The following ARB2A variants were observed in gnomAD, a reference collection of about 807,000 sequenced individuals.
ARB2A encodes the protein cotranscriptional regulator ARB2A.
At chr5:93,976,260 A>G in the ARB2A span, among the ~76,000 whole-genome samples, 1 of 152,196 alleles carries the variant, frequency 6.6e-6, no homozygotes, top group South Asian at 2.1e-4. Flanking sequence ...CATCGAAGGA[A>G]CACATCTCAA....
At chr5:93,743,769 C>T in the ARB2A span, among the ~76,000 whole-genome samples, 93 of 151,472 alleles carry the variant, frequency 6.1e-4, 2 homozygotes, top group South Asian at 0.013. Flanking sequence ...CAGGTTCAAG[C>T]GATTCCCCTG....
chr5:93,928,030 T>C, the ARB2A span, among the ~76,000 whole-genome samples: 1 of 152,140 alleles, frequency 6.6e-6, no homozygotes, highest in Non-Finnish European at 1.5e-5. Context: ...ATACAACTTT[T>C]AGTCCAGCAG....
chr5:93,680,283 A>G, the ARB2A span, among the ~76,000 whole-genome samples: 6 of 152,254 alleles, frequency 3.9e-5, no homozygotes, highest in Non-Finnish European at 8.8e-5. Context: ...ATAAGAATAT[A>G]TTTCCAATGT....
the ARB2A span, among the ~76,000 whole-genome samples, chr5:93,986,724 G>T: frequency 6.6e-6 from 1 of 152,102 alleles, no homozygotes; most frequent in Non-Finnish European, 1.5e-5. Flanking sequence ...CCCCCAACCC[G>T]GTGCTCTCGG....
the ARB2A span, among the ~76,000 whole-genome samples, chr5:93,811,530 C>A: frequency 1.3e-5 from 2 of 151,906 alleles, no homozygotes; most frequent in Non-Finnish European, 2.9e-5. Context: ...CGTGAAAAAC[C>A]GGGACGTTGT....
the ARB2A span, among the ~76,000 whole-genome samples, chr5:94,013,867 T>C: frequency 5.0e-3 from 762 of 152,234 alleles, 19 homozygotes; most frequent in Non-Finnish European, 2.0e-3. Context: ...AAGAGGTAGA[T>C]AGTAAGAGAA....
chr5:93,779,193 A>C, the ARB2A span, among the ~76,000 whole-genome samples: 4,979 of 152,174 alleles, frequency 0.033, 111 homozygotes, highest in Non-Finnish European at 0.049. Flanking sequence ...AAAAAGGGCA[A>C]AACAAGTTAA....
At chr5:93,720,630 T>C in the ARB2A span, among the ~76,000 whole-genome samples, 2 of 152,252 alleles carry the variant, frequency 1.3e-5, no homozygotes, top group South Asian at 4.1e-4. Context: ...AGCTCTATAG[T>C]TTTCCAAGAA....
chr5:93,650,161 A>G, the ARB2A span, among the ~76,000 whole-genome samples: 1 of 98,620 alleles, frequency 1.0e-5, no homozygotes, highest in African/African-American at 7.4e-5. Context: ...CAAGAAGGAA[A>G]AAAAAAAAAA....
the ARB2A span, among the ~76,000 whole-genome samples, chr5:93,844,120 CA>C: frequency 2.3e-4 from 28 of 122,292 alleles, no homozygotes; most frequent in Admixed American, 3.3e-4. Context: ...GATAAAAAAA[CA>C]AAAAAAAAAA....
At chr5:93,865,959 G>C in the ARB2A span, 1 of 985,396 alleles carries the variant, frequency 1.0e-6, no homozygotes, top group Non-Finnish European at 1.2e-6. Flanking sequence ...CACAACTCCA[G>C]GGGTTGCTAG....
the ARB2A span, among the ~76,000 whole-genome samples, chr5:93,953,338 T>C: frequency 6.6e-6 from 1 of 152,158 alleles, no homozygotes; most frequent in African/African-American, 2.4e-5. Context: ...TATTGTGTTA[T>C]ATGTTTTTGG....
the ARB2A span, among the ~76,000 whole-genome samples, chr5:93,787,078 A>G: frequency 8.5e-5 from 13 of 152,278 alleles, no homozygotes; most frequent in East Asian, 2.3e-3. Context: ...AACAACTTGA[A>G]ATTCCTTGTA....
the ARB2A span, among the ~76,000 whole-genome samples, chr5:94,043,728 G>A: frequency 2.0e-5 from 3 of 152,254 alleles, no homozygotes; most frequent in South Asian, 6.2e-4. Context: ...CTCAAAAGGA[G>A]AATAATTTAC....
At chr5:93,989,402 T>A in the ARB2A span, among the ~76,000 whole-genome samples, 1 of 152,128 alleles carries the variant, frequency 6.6e-6, no homozygotes, top group Non-Finnish European at 1.5e-5. Context: ...TATGCCTCCA[T>A]TTATAATTAA....
At chr5:93,911,578 T>C in the ARB2A span, among the ~76,000 whole-genome samples, 1 of 151,240 alleles carries the variant, frequency 6.6e-6, no homozygotes, top group Non-Finnish European at 1.5e-5. Context: ...TGAGACAAAA[T>C]AGGAAAAGGT....
the ARB2A span, among the ~76,000 whole-genome samples, chr5:93,953,379 C>T: frequency 1.3e-5 from 2 of 152,138 alleles, no homozygotes; most frequent in Non-Finnish European, 2.9e-5. Context: ...TTAGGGGTCA[C>T]CAGAAGCCTA....
chr5:93,906,232 C>T, the ARB2A span, among the ~76,000 whole-genome samples: 4 of 151,390 alleles, frequency 2.6e-5, no homozygotes, highest in African/African-American at 9.7e-5. Flanking sequence ...TTTTGACATA[C>T]ATTTTGCATT....
At chr5:94,081,508 G>C in the ARB2A span, among the ~76,000 whole-genome samples, 39 of 152,204 alleles carry the variant, frequency 2.6e-4, no homozygotes, top group African/African-American at 9.4e-4. Flanking sequence ...TTCTTTAATA[G>C]AAAGGAATGA....
Sources: allele counts gnomAD v4.1 joint callset (sites outside exome capture counted in the v4.1 genomes callset), GRCh38; gene constraint gnomAD v4.1.1; transcripts MANE v1.5; gene names NCBI Gene and HGNC (gene_info 2026-07-23, HGNC 2026-07-21).